Variants in TRIB2 observed in about 807,000 individuals in gnomAD.
TRIB2 encodes tribbles homolog 2.
Under a neutral mutation model 26.8 loss-of-function variants are expected in TRIB2, and 2 were observed. That is an observed-to-expected ratio of 0.07 (90% CI 0.03 to 0.24). The LOEUF is 0.24. Ranked by LOEUF, TRIB2 falls within the 10% of genes least tolerant of loss-of-function variation. The probability of loss-of-function intolerance (pLI) is 1.00; values close to 1 mark genes in which losing one functional copy is unlikely to be tolerated. For missense variants in TRIB2, 306 were observed against 449.0 expected, an observed-to-expected ratio of 0.68 and a Z score of 2.88; for synonymous variants, 189 against 187.3, an observed-to-expected ratio of 1.01 and a Z score of -0.08.
chr2:12,720,652 G>T (rs1290171881), intron 1 of TRIB2, among the ~76,000 whole-genome samples: 1 of 152,158 alleles, frequency 6.6e-6, no homozygotes, highest in Non-Finnish European at 1.5e-5. Flanking sequence ...CTAGCTGTGT[G>T]TTGACCAATG....
At chr2:12,739,748 C>T (rs543287093) in intron 2 of TRIB2, among the ~76,000 whole-genome samples, 17 of 152,260 alleles carry the variant, frequency 1.1e-4, no homozygotes, top group Admixed American at 3.3e-4. Flanking sequence ...GGAAGTTACC[C>T]GAACTCTCTG....
chr2:12,738,753 T>C (rs1039818613), intron 2 of TRIB2, among the ~76,000 whole-genome samples: 7 of 152,104 alleles, frequency 4.6e-5, no homozygotes, highest in Non-Finnish European at 7.4e-5. Flanking sequence ...TGGAGGAAGC[T>C]CTCAGTGACT....
chr2:12,722,058 G>A (rs1302979537), intron 1 of TRIB2, among the ~76,000 whole-genome samples: 2 of 152,136 alleles, frequency 1.3e-5, no homozygotes, highest in Non-Finnish European at 2.9e-5. Context: ...GAGGAGGGAG[G>A]TCCAGTAACC....
chr2:12,734,971 G>A (rs1558319235), intron 2 of TRIB2, among the ~76,000 whole-genome samples: 1 of 152,126 alleles, frequency 6.6e-6, no homozygotes, highest in African/African-American at 2.4e-5. Context: ...TCTTGAGACC[G>A]TGACTGGCAG....
intron 2 of TRIB2, among the ~76,000 whole-genome samples, chr2:12,735,487 A>G (rs952728298): frequency 1.1e-4 from 16 of 152,052 alleles, no homozygotes; most frequent in Non-Finnish European, 2.2e-4. Flanking sequence ...GGCCTAAGGA[A>G]GGTGAGCACC....
intron 1 of TRIB2, 74 bp from the exon 2 acceptor site, chr2:12,723,186 G>C: frequency 6.7e-7 from 1 of 1,497,060 alleles, no homozygotes; most frequent in East Asian, 2.3e-5. Flanking sequence ...ATACCTGTGG[G>C]AGGTGCAGCA....
chr2:12,728,900 T>C (rs1237321177), intron 2 of TRIB2, among the ~76,000 whole-genome samples: 3 of 152,162 alleles, frequency 2.0e-5, no homozygotes, highest in African/African-American at 7.2e-5. Context: ...TGCACCCGCC[T>C]CCATTGAGGT....
At chr2:12,730,089 A>G (rs1661421041) in intron 2 of TRIB2, among the ~76,000 whole-genome samples, 1 of 152,190 alleles carries the variant, frequency 6.6e-6, no homozygotes, top group Admixed American at 6.5e-5. Context: ...TGGGGACACT[A>G]CAGAGCCCAG....
In TRIB2 at chr2:12,718,471, C is replaced by T; in HGVS notation, c.164C>T (p.Ser55Leu). 1.2e-6 allele frequency: 2 copies of T among 1,614,234 alleles called. No homozygotes were observed. The highest frequency in any genetic ancestry group is 1.1e-5 in the South Asian group (1 of 91,086). ...SPSPPETPNLSHCVSCIGKYL... is the reference protein window; with the variant it reads ...SPSPPETPNLLHCVSCIGKYL... ...AGCCCGCCCGAGACTCCGAACTTGTCGCATTGCGTTTCTTGTATCGGGAAA... is the reference window on the plus strand; with the variant it reads ...AGCCCGCCCGAGACTCCGAACTTGTTGCATTGCGTTTCTTGTATCGGGAAA... The change falls in exon 1 of 3, where the codon TCG becomes TTG. Residue 55 changes from serine to leucine, a missense_variant. Physicochemically the swap from Ser to Leu is moderately radical, Grantham distance 145. This residue lies in a region of TRIB2 where 99 missense variants were observed against 106.5 expected (regional missense o/e 0.93). Coordinates refer to ENST00000155926, the MANE Select transcript of TRIB2 (RefSeq NM_021643.4). The surrounding 1 kb of genome is among the most constrained non-coding windows in gnomAD (Gnocchi z 4.0).
chr2:12,724,832 C>T (rs1661303636), intron 2 of TRIB2: 2 of 1,610,470 alleles, frequency 1.2e-6, no homozygotes, highest in African/African-American at 1.3e-5. Flanking sequence ...TGAATATTCT[C>T]ATTTAGAAGA....
chr2:12,740,646 A>G lies in TRIB2; in HGVS notation c.884A>G (p.Glu295Gly). Residue 295 changes from glutamate to glycine, a missense_variant, in exon 3 of 3, where the codon GAG becomes GGG. This residue lies in a region of TRIB2 where 78 missense variants were observed against 104.9 expected (regional missense o/e 0.74). Coordinates refer to ENST00000155926, the MANE Select transcript of TRIB2 (RefSeq NM_021643.4). The surrounding 1 kb of genome is among the most constrained non-coding windows in gnomAD (Gnocchi z 5.8). ...IRSILRREPS[E>G]RLTSQEILDH... ...AGCATTCTGCGTCGGGAGCCCTCAG[A>G]GCGGCTGACCTCGCAGGAAATTCTG... 6.2e-7 allele frequency: 1 copy of G among 1,614,186 alleles called. No homozygotes were observed. Among genetic ancestry groups the G allele is most frequent in the Non-Finnish European group, 8.5e-7 (1 of 1,180,040 alleles).
Position 12,718,442 on chromosome 2 carries a change from C to G in TRIB2, c.135C>G (p.Ser45=), listed in dbSNP as rs747065082. 3 of 1,614,232 alleles carry G rather than the reference C, an allele frequency of 1.9e-6. No individual in the cohort carries two copies. The highest frequency in any genetic ancestry group is 2.5e-6 in the Non-Finnish European group (3 of 1,180,038). Residue 45 remains serine (S), a synonymous_variant, in exon 1 of 3, where the codon TCC becomes TCG. Coordinates refer to ENST00000155926, the MANE Select transcript of TRIB2 (RefSeq NM_021643.4). The surrounding 1 kb of genome is among the most constrained non-coding windows in gnomAD (Gnocchi z 4.0). ...PSQSFSPNLG[S]PSPPETPNLS... The stretch of plus-strand genomic sequence containing the variant: ...AGAGTTTCAGCCCGAACCTCGGCTC[C>G]CCGAGCCCGCCCGAGACTCCGAACT...
chr2:12,730,800 A>G (rs941600235), intron 2 of TRIB2, among the ~76,000 whole-genome samples: 1 of 152,200 alleles, frequency 6.6e-6, no homozygotes. Context: ...TGACAGTGGA[A>G]TGCAGTGGAT....
chr2:12,736,304 C>T (rs552652767), intron 2 of TRIB2, among the ~76,000 whole-genome samples: 1 of 152,164 alleles, frequency 6.6e-6, no homozygotes, highest in African/African-American at 2.4e-5. Flanking sequence ...ATGTGAGGAA[C>T]AGCAAACAGG....
chr2:12,723,904 G>A (rs1661281150), intron 2 of TRIB2, among the ~76,000 whole-genome samples: 3 of 152,154 alleles, frequency 2.0e-5, no homozygotes, highest in Admixed American at 2.0e-4. Flanking sequence ...AGAACACTCA[G>A]CAGCCAGAAT....
At chr2:12,728,755 C>T (rs928256773) in intron 2 of TRIB2, among the ~76,000 whole-genome samples, 7 of 152,170 alleles carry the variant, frequency 4.6e-5, no homozygotes, top group Non-Finnish European at 8.8e-5. Context: ...GTATAATAAA[C>T]GCCACCTGCC....
chr2:12,740,658 C>T lies in TRIB2; in HGVS notation c.896C>T (p.Ser299Leu), dbSNP rs1558321486. The T allele has an allele frequency of 2.5e-6, 4 of 1,614,146 alleles. No individual in the cohort carries two copies. Among genetic ancestry groups the T allele is most frequent in the East Asian group, 2.2e-5 (1 of 44,862 alleles). Reference protein sequence around the residue: ...LRREPSERLTSQEILDHPWFS... With the variant: ...LRREPSERLTLQEILDHPWFS... ...CGGGAGCCCTCAGAGCGGCTGACCT[C>T]GCAGGAAATTCTGGACCATCCTTGG... Residue 299 changes from serine to leucine, a missense_variant, in exon 3 of 3, where the codon TCG (serine) becomes TTG (leucine). Around this residue, in one of 4 missense-constraint regions of TRIB2, gnomAD observed 78 missense variants for 104.9 expected, o/e 0.74. Coordinates refer to ENST00000155926, the MANE Select transcript of TRIB2 (RefSeq NM_021643.4). This position sits in a 1 kb window ranked among gnomAD's most constrained non-coding sequence, Gnocchi z 5.8.
rs369189598 is a variant in TRIB2, at chr2:12,718,395, A to C, written c.88A>C (p.Ile30Leu). The C allele has an allele frequency of 6.2e-7, 1 of 1,614,200 alleles. No homozygotes were observed. Among genetic ancestry groups the C allele is most frequent in the Admixed American group, 1.7e-5 (1 of 60,032 alleles). ...CCAGGATTTCGAAGAGTTGTCGTCT[A>C]TAAGGTCCGCGGAGCCCAGCCAGAG... is the stretch of plus-strand genomic sequence containing the variant. ...KTQDFEELSS[I>L]RSAEPSQSFS... The change falls in exon 1 of 3, where the codon ATA (isoleucine) becomes CTA (leucine). Residue 30 changes from isoleucine (I) to leucine (L), a missense_variant. By Grantham distance (5) the Ile-to-Leu change is conservative. Around this residue, in one of 4 missense-constraint regions of TRIB2, gnomAD observed 99 missense variants for 106.5 expected, o/e 0.93. Coordinates refer to ENST00000155926, the MANE Select transcript of TRIB2 (RefSeq NM_021643.4). This position sits in a 1 kb window ranked among gnomAD's most constrained non-coding sequence, Gnocchi z 4.0.
rs954740686 is a variant in TRIB2, at chr2:12,740,179, G to C, written c.564-147G>C. The C allele has an allele frequency of 1.3e-6, 1 of 797,664 alleles. No individual in the cohort carries two copies. The highest frequency in any genetic ancestry group is 2.0e-6 in the Non-Finnish European group (1 of 508,014). The allele number at this position is 797,664 out of a possible 1,614,324, so 49.4% of individuals were successfully genotyped here. A position where few individuals can be genotyped will look rare whatever the true frequency, so the allele number is the denominator to read the frequency against. On this transcript the variant is annotated intron_variant, in intron 2 of 2. Coordinates refer to ENST00000155926, the MANE Select transcript of TRIB2 (RefSeq NM_021643.4). The surrounding 1 kb of genome is among the most constrained non-coding windows in gnomAD (Gnocchi z 5.8). ...CTGGCAGCTAGAAGGTGCTCAGTGAGTAATGTTTGGCTGGTCAGATGAATG... is the reference window on the plus strand; with the variant it reads ...CTGGCAGCTAGAAGGTGCTCAGTGACTAATGTTTGGCTGGTCAGATGAATG...
Sources: gnomAD v4.1 joint callset for allele counts (sites outside exome capture counted in the v4.1 genomes callset) on GRCh38, gnomAD v4.1.1 for gene constraint, gnomAD v4.1.1 regional missense constraint, Gnocchi (gnomAD v3.1) non-coding constraint, MANE v1.5 for transcripts, NCBI Gene and HGNC (gene_info 2026-07-23, HGNC 2026-07-21) for gene names.